MEF2A: variants seen among roughly 807,000 people sequenced by gnomAD.
MEF2A encodes the protein myocyte-specific enhancer factor 2A.
A neutral mutation model predicts 55.8 loss-of-function variants in MEF2A; 28 were observed. That is an observed-to-expected ratio of 0.50 (90% CI 0.37 to 0.69). MEF2A has a LOEUF of 0.69. Ranked by LOEUF, MEF2A falls within the 30% of genes least tolerant of loss-of-function variation. The pLI is 0.00. For synonymous variants in MEF2A, 239 were observed against 227.1 expected (o/e 1.05, Z -0.47); for missense variants, 528 against 626.2 (o/e 0.84, Z 1.67).
At chr15:99,651,752 T>C (rs1051114275) in intron 4 of MEF2A, among the ~76,000 whole-genome samples, 23 of 152,234 alleles carry the variant, frequency 1.5e-4, no homozygotes, top group African/African-American at 1.2e-4. Context: ...CATACAATTA[T>C]TGGTTTTCAT....
chr15:99,629,534 G>C (rs1451759268), intron 2 of MEF2A, among the ~76,000 whole-genome samples: 2 of 152,180 alleles, frequency 1.3e-5, no homozygotes, highest in Non-Finnish European at 2.9e-5. Flanking sequence ...GAAAGGGGAA[G>C]GGGTGTCTGT....
chr15:99,667,546 G>A (rs1362853501), intron 4 of MEF2A, among the ~76,000 whole-genome samples: 3 of 152,086 alleles, frequency 2.0e-5, no homozygotes, highest in Non-Finnish European at 4.4e-5. Context: ...TTATAAAGGT[G>A]ATTATATCAA....
In MEF2A at chr15:99,713,660, A is replaced by C. The variant is rs886374517; in HGVS notation, c.*889A>C. 3 of 152,202 alleles carry C rather than the reference A, an allele frequency of 2.0e-5. No individual in the cohort carries two copies. Among genetic ancestry groups the C allele is most frequent in the Admixed American group, 6.5e-5 (1 of 15,290 alleles). 9.4% of individuals were successfully genotyped at this position (152,202 alleles called of 1,614,324 possible). ...TCACTACTTTTGAACACATTCTGCT[A>C]TGAATTATTTATATAAGCCAAAGCT... On this transcript the variant is annotated 3_prime_UTR_variant, in exon 12 of 12. Coordinates refer to ENST00000557942, the MANE Select transcript of MEF2A (RefSeq NM_001319206.4).
intron 1 of MEF2A, among the ~76,000 whole-genome samples, chr15:99,574,256 C>T (rs978811998): frequency 6.6e-6 from 1 of 152,156 alleles, no homozygotes; most frequent in Non-Finnish European, 1.5e-5. Context: ...ATTGAAACTC[C>T]TTGATTACAT....
chr15:99,690,755 T>G (rs2055259625), intron 8 of MEF2A: 1 of 446,486 alleles, frequency 2.2e-6, no homozygotes, highest in Non-Finnish European at 4.4e-6. Context: ...AAAAAATTGG[T>G]CTTGTGGAGA....
intron 2 of MEF2A, among the ~76,000 whole-genome samples, chr15:99,626,998 A>G (rs2042145118): frequency 6.6e-6 from 1 of 152,174 alleles, no homozygotes; most frequent in Non-Finnish European, 1.5e-5. Flanking sequence ...CATGACCTTC[A>G]TGAACTTAAA....
intron 4 of MEF2A, among the ~76,000 whole-genome samples, chr15:99,646,880 C>T (rs973145527): frequency 3.9e-5 from 6 of 152,034 alleles, no homozygotes; most frequent in Non-Finnish European, 7.4e-5. Flanking sequence ...ACTTTTTAGT[C>T]ATTTTTTCAA....
At chr15:99,661,891 C>G (rs1282908743) in intron 4 of MEF2A, among the ~76,000 whole-genome samples, 3 of 151,862 alleles carry the variant, frequency 2.0e-5, no homozygotes, top group Admixed American at 2.0e-4. Flanking sequence ...CAATGTCTGT[C>G]TGTTGTAGAA....
rs760608051 is a variant in MEF2A, at chr15:99,696,048, C to A, written c.858+5620C>A. 1.1e-3 allele frequency among the ~76,000 whole-genome samples: 162 copies of A among 152,246 alleles called. 1 individual carries two copies. Among genetic ancestry groups the A allele is most frequent in the Non-Finnish European group, 1.2e-3 (85 of 68,024 alleles). ...GCGATAAGGAGGGACGTGACATAGTCCACTTTCCAAGAAATAACTGTCTTT... is the reference window on the plus strand; with the variant it reads ...GCGATAAGGAGGGACGTGACATAGTACACTTTCCAAGAAATAACTGTCTTT... On this transcript the variant is annotated intron_variant, in intron 8 of 11. Coordinates refer to ENST00000557942, the MANE Select transcript of MEF2A (RefSeq NM_001319206.4).
intron 7 of MEF2A, among the ~76,000 whole-genome samples, chr15:99,687,084 CTTTTTTTT>C (rs71149484): frequency 1.9e-4 from 13 of 67,766 alleles, no homozygotes; most frequent in South Asian, 1.2e-3. Flanking sequence ...ATTAATTTTT[CTTTTTTTT>C]TTTTTTTTTT....
chr15:99,655,487 G>A (rs1490564765), intron 4 of MEF2A, among the ~76,000 whole-genome samples: 1 of 152,092 alleles, frequency 6.6e-6, no homozygotes, highest in African/African-American at 2.4e-5. Flanking sequence ...ATAGGCATTG[G>A]GCAGCCTTTA....
At chr15:99,667,912 T>C (rs555283456) in intron 4 of MEF2A, among the ~76,000 whole-genome samples, 9 of 152,374 alleles carry the variant, frequency 5.9e-5, no homozygotes, top group Admixed American at 2.0e-4. Flanking sequence ...TTAAGAGATA[T>C]TTAGTTTTTT....
At chr15:99,578,199 C>G (rs921683928) in intron 1 of MEF2A, among the ~76,000 whole-genome samples, 1 of 152,130 alleles carries the variant, frequency 6.6e-6, no homozygotes, top group East Asian at 1.9e-4. Flanking sequence ...TTGTGATTTC[C>G]TTGTTCCTTT....
chr15:99,637,131 T>TCTC (rs988359299), intron 3 of MEF2A, among the ~76,000 whole-genome samples: 4 of 151,910 alleles, frequency 2.6e-5, no homozygotes, highest in Admixed American at 1.3e-4. Context: ...TTTTTTTTTT[T>TCTC]CTCAGAACCA....
At chr15:99,594,949 A>G (rs912171718) in intron 1 of MEF2A, among the ~76,000 whole-genome samples, 2 of 152,196 alleles carry the variant, frequency 1.3e-5, no homozygotes, top group African/African-American at 4.8e-5. Context: ...GCTCAAATGT[A>G]CTGGTCCTCT....
intron 7 of MEF2A, among the ~76,000 whole-genome samples, chr15:99,679,124 C>T (rs2052702930): frequency 6.6e-6 from 1 of 152,178 alleles, no homozygotes; most frequent in African/African-American, 2.4e-5. Flanking sequence ...CAAACTCATA[C>T]ACTGGTAATG....
intron 4 of MEF2A, among the ~76,000 whole-genome samples, chr15:99,670,542 G>A (rs1346118736): frequency 6.6e-6 from 1 of 152,078 alleles, no homozygotes; most frequent in African/African-American, 2.4e-5. Context: ...CCCAGGAGGC[G>A]GAGCTTGCAG....
intron 4 of MEF2A, among the ~76,000 whole-genome samples, chr15:99,656,992 C>T (rs34987456): frequency 0.06 from 9,188 of 152,122 alleles, 356 homozygotes; most frequent in East Asian, 0.17. Flanking sequence ...CTGGCAACCA[C>T]TAATGTACTT....
At chr15:99,700,974 ATGAG>A (rs2057328807) in intron 8 of MEF2A, among the ~76,000 whole-genome samples, 1 of 152,204 alleles carries the variant, frequency 6.6e-6, no homozygotes, top group African/African-American at 2.4e-5. Flanking sequence ...TGTAGAAAGA[ATGAG>A]AGAGAGTAAA....
Sources: allele counts gnomAD v4.1 joint callset (sites outside exome capture counted in the v4.1 genomes callset), GRCh38; gene constraint gnomAD v4.1.1; transcripts MANE v1.5; gene names NCBI Gene and HGNC (gene_info 2026-07-23, HGNC 2026-07-21).